The following TMEM168 variants were observed in gnomAD, a reference collection of about 807,000 sequenced individuals.
The protein encoded by TMEM168 is transmembrane protein 168.
Under a neutral mutation model 53.2 loss-of-function variants are expected in TMEM168, and 40 were observed. The observed-to-expected ratio is 0.75, with a 90% CI of 0.58 to 0.98. TMEM168 has a LOEUF of 0.98. Among genes scored for constraint, TMEM168 ranks in the 50% least tolerant of loss-of-function variants. TMEM168 has a pLI of 0.00. For missense variants in TMEM168, 771 were observed against 828.8 expected (o/e 0.93, Z 0.86); for synonymous variants, 282 against 293.0 (o/e 0.96, Z 0.38).
chr7:112,767,410 C>T lies in TMEM168; in HGVS notation c.1881G>A (p.Leu627=). The T allele has an allele frequency of 1.2e-6, 2 of 1,614,124 alleles. No homozygotes were observed. Among genetic ancestry groups the T allele is most frequent in the Non-Finnish European group, 1.7e-6 (2 of 1,180,010 alleles). Reference sequence around the variant, plus strand: ...CCACATCGCTTCCCGTTGGCAAATGCAGAGTGTAGTCACTCCACCGTTTTG... The same window carrying T: ...CCACATCGCTTCCCGTTGGCAAATGTAGAGTGTAGTCACTCCACCGTTTTG... ...GVSKRWSDYT[L]HLPTGSDVAK... The change falls in exon 5 of 5, where the codon CTG becomes CTA. Residue 627 remains leucine, a synonymous_variant. Coordinates refer to ENST00000312814, the MANE Select transcript of TMEM168 (RefSeq NM_022484.6).
At position 112,788,765 on chromosome 7, in the gene TMEM168, C is replaced by T. The variant is rs73205170; in HGVS notation, c.-129+1395G>A. On this transcript the variant is annotated intron_variant, in intron 1 of 4. Coordinates refer to ENST00000312814, the MANE Select transcript of TMEM168 (RefSeq NM_022484.6). ...TCTCCACCATCATCTACATTTAATC[C>T]TCACCAAGTCCTGTCTACTATTCTT... 3.3e-3 allele frequency among the ~76,000 whole-genome samples: 500 copies of T among 152,244 alleles called. 3 individuals carry two copies. The highest frequency in any genetic ancestry group is 5.8e-3 in the Non-Finnish European group (395 of 68,000).
chr7:112,780,982 T>C (rs1288138253), intron 2 of TMEM168, among the ~76,000 whole-genome samples: 1 of 150,238 alleles, frequency 6.7e-6, no homozygotes, highest in African/African-American at 2.5e-5. Flanking sequence ...CACAGATAGT[T>C]AATATTTTGT....
At chr7:112,777,940 G>A (rs948716144) in intron 2 of TMEM168, among the ~76,000 whole-genome samples, 1 of 109,002 alleles carries the variant, frequency 9.2e-6, no homozygotes, top group Non-Finnish European at 1.9e-5. Flanking sequence ...GTGTGTGTGT[G>A]TGTACCTGGT....
In TMEM168 at chr7:112,784,810, G is replaced by A. The variant is rs757855270; in HGVS notation, c.16C>T (p.Arg6Cys). ...TAGAGACAATGACTAAAGCAATAAC[G>A]CAGTGATTTACACATGTAACCAGCA... MCKSL[R>C]YCFSHCLYLA... The change falls in exon 2 of 5, where the codon CGT becomes TGT. Residue 6 changes from arginine (R) to cysteine (C), a missense_variant. By Grantham distance (180) the Arg-to-Cys change is radical (BLOSUM62 -3). Transcript: ENST00000312814. 3.3e-5 allele frequency: 53 copies of A among 1,590,690 alleles called. No individual in the cohort carries two copies. The highest frequency in any genetic ancestry group is 3.4e-4 in the Middle Eastern group (2 of 5,958).
intron 4 of TMEM168, among the ~76,000 whole-genome samples, chr7:112,772,018 T>C (rs1792942016): frequency 6.6e-6 from 1 of 152,138 alleles, no homozygotes. Flanking sequence ...CAAGTAACAG[T>C]TGATAAAACA....
intron 1 of TMEM168, among the ~76,000 whole-genome samples, chr7:112,785,531 G>A (rs1297667495): frequency 6.6e-6 from 1 of 152,142 alleles, no homozygotes; most frequent in East Asian, 1.9e-4. Flanking sequence ...CTAAAGTTGA[G>A]CCATAATTCT....
At chr7:112,790,012 A>G (rs1032111888) in intron 1 of TMEM168, 148 bp downstream of exon 1, 3 of 152,118 alleles carry the variant, frequency 2.0e-5, no homozygotes, top group African/African-American at 4.8e-5. Context: ...CCAATCTCCA[A>G]CCACCACTGT....
At chr7:112,776,572 C>T (rs1031726149) in intron 2 of TMEM168, among the ~76,000 whole-genome samples, 4 of 151,948 alleles carry the variant, frequency 2.6e-5, no homozygotes, top group African/African-American at 9.7e-5. Context: ...TTGGTACATC[C>T]TATTTTGTCA....
rs1792770856 is a variant in TMEM168, at chr7:112,766,081, C to T, written c.*1116G>A. 2 of 152,672 alleles carry T rather than the reference C, an allele frequency of 1.3e-5. No homozygotes were observed. The highest frequency in any genetic ancestry group is 3.9e-4 in the East Asian group (2 of 5,192). The allele number at this position is 152,672 out of a possible 1,614,324, so 9.5% of individuals were successfully genotyped here. On this transcript the variant is annotated 3_prime_UTR_variant, in exon 5 of 5. Transcript: ENST00000312814. Reference sequence around the variant, plus strand: ...TTGGAAAGGAATAAGAAGTGAATTACCTCTTAGGAGATACCCTGATCAGTG... The same window carrying T: ...TTGGAAAGGAATAAGAAGTGAATTATCTCTTAGGAGATACCCTGATCAGTG...
rs756478130 is a variant in TMEM168, at chr7:112,775,267, A to T, written c.1180T>A (p.Ser394Thr). 25 of 1,613,638 alleles carry T rather than the reference A, an allele frequency of 1.5e-5. No individual in the cohort carries two copies. Among genetic ancestry groups the T allele is most frequent in the Non-Finnish European group, 2.1e-5 (25 of 1,179,840 alleles). The change falls in exon 3 of 5, where the codon TCC (serine) becomes ACC (threonine). Residue 394 changes from serine to threonine, a missense_variant. Ser to Thr is a moderately conservative substitution (Grantham distance 58). Transcript: ENST00000312814. The part of the protein sequence containing the change: ...SMFLIVLPLE[S>T]MAHGLFHELG... ...TCATGGAAGAGCCCATGAGCCATGG[A>T]TTCCAATGGCAAAACGATTAGAAAC...
intron 2 of TMEM168, among the ~76,000 whole-genome samples, chr7:112,777,864 T>C (rs1162022749): frequency 6.6e-6 from 1 of 151,090 alleles, no homozygotes; most frequent in Non-Finnish European, 1.5e-5. Flanking sequence ...TCTGTTGGTT[T>C]TGCTGCTTCT....
chr7:112,783,848 G>A lies in TMEM168; in HGVS notation c.978C>T (p.Cys326=). The A allele has an allele frequency of 6.2e-7, 1 of 1,606,224 alleles. No homozygotes were observed. The highest frequency in any genetic ancestry group is 8.5e-7 in the Non-Finnish European group (1 of 1,177,494). The change falls in exon 2 of 5, where the codon TGC becomes TGT. Residue 326 remains cysteine (C), a synonymous_variant. Coordinates refer to ENST00000312814, the MANE Select transcript of TMEM168 (RefSeq NM_022484.6). ...LWGFHTKLND[C]HKVYFTHRTD... is the part of the protein sequence containing the mutation. ...TCCTGTGAGTAAAATATACTTTATG[G>A]CAGTCATTTAATTTGGTATGGAATC... is the stretch of plus-strand genomic sequence containing the variant.
intron 2 of TMEM168, chr7:112,778,214 G>C (rs150846250): frequency 1.3e-5 from 2 of 152,258 alleles, no homozygotes; most frequent in East Asian, 3.9e-4. Flanking sequence ...AAAATGGGAG[G>C]TAATTTACCA....
intron 2 of TMEM168, among the ~76,000 whole-genome samples, chr7:112,781,243 G>T (rs117333703): frequency 2.0e-3 from 307 of 151,988 alleles, no homozygotes; most frequent in Non-Finnish European, 3.4e-3. Context: ...ATAGATACAT[G>T]AACACCACCA....
At chr7:112,786,461 A>G (rs1793382620) in intron 1 of TMEM168, among the ~76,000 whole-genome samples, 1 of 152,010 alleles carries the variant, frequency 6.6e-6, no homozygotes, top group Admixed American at 6.6e-5. Flanking sequence ...ATTCCAACTG[A>G]TTTTCCTTAA....
At chr7:112,777,452 T>G (rs975337825) in intron 2 of TMEM168, among the ~76,000 whole-genome samples, 30 of 152,194 alleles carry the variant, frequency 2.0e-4, no homozygotes, top group African/African-American at 7.2e-4. Flanking sequence ...TTCTATTTTT[T>G]ATTCTTTCAC....
At position 112,784,619 on chromosome 7, in the gene TMEM168, A is replaced by ACTT; in HGVS notation, c.206_207insAAG (p.Ile69_Leu70insSer). The ACTT allele has an allele frequency of 6.2e-7, 1 of 1,612,134 alleles. No individual in the cohort carries two copies. The highest frequency in any genetic ancestry group is 8.5e-7 in the Non-Finnish European group (1 of 1,179,460). ...CGATTCCAAGAACAAAAAGACCAAG[A>ACTT]ATAAAAATTACCAAAATTAAGGAAT... On this transcript the variant is annotated inframe_insertion, in exon 2 of 5. Transcript: ENST00000312814.
In TMEM168 at chr7:112,764,528, G is replaced by GTC. The variant is rs575630803; in HGVS notation, c.*2667_*2668dup. The GTC allele has an allele frequency of 4.7e-5, 7 of 149,350 alleles. No individual in the cohort carries two copies. The highest frequency in any genetic ancestry group is 6.6e-5 in the Admixed American group (1 of 15,050). 9.3% of individuals were successfully genotyped at this position (149,350 alleles called of 1,614,324 possible). ...TGTTTCTTTTTTTTTTTGAGATGGA[G>GTC]TCTCTCTCTGTTGCCAGGCTGGAGT... On this transcript the variant is annotated 3_prime_UTR_variant, in exon 5 of 5. Coordinates refer to ENST00000312814, the MANE Select transcript of TMEM168 (RefSeq NM_022484.6).
In TMEM168 at chr7:112,772,764, G is replaced by C. The variant is rs1792961057; in HGVS notation, c.1546+17C>G. On this transcript the variant is annotated intron_variant, in intron 4 of 4. Coordinates refer to ENST00000312814, the MANE Select transcript of TMEM168 (RefSeq NM_022484.6). ...TGTGTATCTTTACAATAGTGAAACT[G>C]CCAAAGGTGAGTTTACCTGCTAGAG... The C allele has an allele frequency of 1.2e-6, 2 of 1,605,670 alleles. No individual in the cohort carries two copies. The highest frequency in any genetic ancestry group is 2.7e-5 in the African/African-American group (2 of 74,750).
Sources: allele counts gnomAD v4.1 joint callset (sites outside exome capture counted in the v4.1 genomes callset), GRCh38; gene constraint gnomAD v4.1.1; transcripts MANE v1.5; gene names NCBI Gene and HGNC (gene_info 2026-07-23, HGNC 2026-07-21).